GLIS3: variants seen among roughly 807,000 people sequenced by gnomAD.
GLIS3 encodes the protein zinc finger protein GLIS3.
A neutral mutation model predicts 78.6 loss-of-function variants in GLIS3; 53 were observed. The ratio of observed to expected loss-of-function variants is 0.67; its 90% confidence interval spans 0.54 to 0.85. The LOEUF (loss-of-function observed/expected upper bound fraction) is 0.85. Ranked by LOEUF, GLIS3 falls within the 40% of genes least tolerant of loss-of-function variation. The pLI, the probability that GLIS3 is intolerant of heterozygous loss-of-function variation, is 0.00. For missense variants in GLIS3, 1,703 were observed against 1,231.1 expected (o/e 1.38, Z -5.74); for synonymous variants, 684 against 509.9 (o/e 1.34, Z -4.60).
intron 2 of GLIS3, among the ~76,000 whole-genome samples, chr9:4,174,966 T>A (rs1031455513): frequency 2.6e-5 from 4 of 152,122 alleles, no homozygotes; most frequent in African/African-American, 9.7e-5. Flanking sequence ...AGCTCAGAAA[T>A]AGGTCAAGGG....
intron 4 of GLIS3, among the ~76,000 whole-genome samples, chr9:4,020,584 A>C (rs1181620515): frequency 6.6e-6 from 1 of 152,254 alleles, no homozygotes; most frequent in Admixed American, 6.5e-5. Context: ...CATAAACCAC[A>C]TACTTATGCA....
intron 2 of GLIS3, among the ~76,000 whole-genome samples, chr9:4,215,381 T>C (rs1365907240): frequency 1.3e-5 from 2 of 152,042 alleles, no homozygotes; most frequent in South Asian, 2.1e-4. Flanking sequence ...ATATGTAATA[T>C]ATACAGTCAA....
intron 6 of GLIS3, chr9:3,899,043 T>C (rs1563827649): frequency 4.7e-6 from 3 of 643,372 alleles, no homozygotes; most frequent in African/African-American, 3.6e-5. Flanking sequence ...TCTGGAAAAA[T>C]GTGGCTAGAG....
chr9:4,077,236 C>A (rs930036286), intron 4 of GLIS3, among the ~76,000 whole-genome samples: 1 of 152,062 alleles, frequency 6.6e-6, no homozygotes, highest in Non-Finnish European at 1.5e-5. Flanking sequence ...TCTAGGCAGA[C>A]AAAAATTTAT....
chr9:3,861,945 CTTAAA>C (rs1223646884), intron 8 of GLIS3, among the ~76,000 whole-genome samples: 3 of 138,628 alleles, frequency 2.2e-5, no homozygotes, highest in Admixed American at 7.2e-5. Flanking sequence ...TTAAACTTAA[CTTAAA>C]TTAAATTTAA....
At chr9:3,913,882 T>G (rs1423287075) in intron 6 of GLIS3, among the ~76,000 whole-genome samples, 2 of 152,206 alleles carry the variant, frequency 1.3e-5, no homozygotes, top group Non-Finnish European at 2.9e-5. Context: ...TGAAAGGTAC[T>G]CTATAAATGT....
intron 4 of GLIS3, among the ~76,000 whole-genome samples, chr9:4,096,346 C>G (rs1829947533): frequency 6.6e-6 from 1 of 152,108 alleles, no homozygotes. Context: ...CTACATAGTC[C>G]AGGAATAGTT....
At chr9:3,889,342 A>G (rs1390353511) in intron 7 of GLIS3, among the ~76,000 whole-genome samples, 1 of 152,210 alleles carries the variant, frequency 6.6e-6, no homozygotes, top group African/African-American at 2.4e-5. Flanking sequence ...GGGGTTCCAT[A>G]GAGTGCCCTG....
chr9:4,093,059 G>C (rs530672350), intron 4 of GLIS3, among the ~76,000 whole-genome samples: 1 of 152,220 alleles, frequency 6.6e-6, no homozygotes, highest in Admixed American at 6.5e-5. Context: ...TGTGTACATA[G>C]CCACTCTTTG....
At chr9:4,177,835 A>G (rs775791033) in intron 2 of GLIS3, among the ~76,000 whole-genome samples, 1 of 152,214 alleles carries the variant, frequency 6.6e-6, no homozygotes, top group African/African-American at 2.4e-5. Flanking sequence ...AAGCTATGCG[A>G]CAGAAAGATA....
At chr9:4,305,114 G>A (rs1348115022) in intron 4 of GLIS3, 3 of 152,172 alleles carry the variant, frequency 2.0e-5, no homozygotes, top group Non-Finnish European at 4.4e-5. Context: ...GAAAAGAGAG[G>A]CAGAGAGAGG....
chr9:4,284,829 G>C (rs571548529), intron 2 of GLIS3, among the ~76,000 whole-genome samples: 3 of 152,196 alleles, frequency 2.0e-5, no homozygotes, highest in Admixed American at 2.0e-4. Flanking sequence ...GAAGCAGGAG[G>C]ATCACTTGAA....
At chr9:3,880,228 G>A (rs962600745) in intron 7 of GLIS3, among the ~76,000 whole-genome samples, 4 of 152,216 alleles carry the variant, frequency 2.6e-5, no homozygotes, top group Non-Finnish European at 4.4e-5. Context: ...CGAAAACACA[G>A]CTTCGGGATC....
intron 4 of GLIS3, among the ~76,000 whole-genome samples, chr9:3,964,383 C>G (rs1463169740): frequency 6.6e-6 from 1 of 152,200 alleles, no homozygotes; most frequent in Non-Finnish European, 1.5e-5. Flanking sequence ...ATTACATTCT[C>G]TTTGCACTGT....
the GLIS3 span, among the ~76,000 whole-genome samples, chr9:4,359,927 ATACT>A: frequency 1.3e-5 from 2 of 151,926 alleles, no homozygotes; most frequent in Admixed American, 6.6e-5. Context: ...TTTTCTGTAT[ATACT>A]TATATATACA....
intron 2 of GLIS3, among the ~76,000 whole-genome samples, chr9:4,220,426 C>G (rs777625775): frequency 2.6e-5 from 4 of 152,190 alleles, no homozygotes; most frequent in Non-Finnish European, 5.9e-5. Context: ...AAAACTGGCA[C>G]ACAGTATCTT....
chr9:4,455,033 T>G, the GLIS3 span, among the ~76,000 whole-genome samples: 1 of 152,210 alleles, frequency 6.6e-6, no homozygotes, highest in Admixed American at 6.5e-5. Flanking sequence ...CTAGGTAATT[T>G]ATACCTTTTT....
At chr9:4,323,144 T>C (rs987915183) in intron 2 of GLIS3, among the ~76,000 whole-genome samples, 4 of 152,206 alleles carry the variant, frequency 2.6e-5, no homozygotes, top group African/African-American at 9.7e-5. Flanking sequence ...CTAGCCAGTT[T>C]TCCCAGCACC....
intron 2 of GLIS3, among the ~76,000 whole-genome samples, chr9:4,169,405 A>C (rs1038081071): frequency 7.9e-5 from 12 of 152,214 alleles, no homozygotes; most frequent in Non-Finnish European, 2.9e-5. Flanking sequence ...ATTTTAATTT[A>C]ATGAGGCAGA....
Sources: gnomAD v4.1 joint callset for allele counts (sites outside exome capture counted in the v4.1 genomes callset) on GRCh38, gnomAD v4.1.1 for gene constraint, MANE v1.5 for transcripts, NCBI Gene and HGNC (gene_info 2026-07-23, HGNC 2026-07-21) for gene names.